KCNH5: variants seen among roughly 807,000 people sequenced by gnomAD.
The protein encoded by KCNH5 is potassium voltage-gated channel subfamily H member 5, also known as voltage-gated delayed rectifier potassium channel KCNH5.
KCNH5 carries 46 observed loss-of-function variants against 96.1 expected under a neutral mutation model. The ratio of observed to expected loss-of-function variants is 0.48; its 90% CI spans 0.38 to 0.61. The LOEUF (loss-of-function observed/expected upper bound fraction) is 0.61, where lower values mean the gene tolerates loss of function less well. Ranked by LOEUF, KCNH5 falls within the 20% of genes least tolerant of loss-of-function variation. The pLI is 0.00. For missense variants in KCNH5, 907 were observed against 1,225.8 expected, an observed-to-expected ratio of 0.74 and a Z score of 3.88; for synonymous variants, 439 against 449.8, an observed-to-expected ratio of 0.98 and a Z score of 0.30.
intron 10 of KCNH5, among the ~76,000 whole-genome samples, chr14:62,761,554 G>T (rs1885751347): frequency 6.6e-6 from 1 of 152,110 alleles, no homozygotes; most frequent in Non-Finnish European, 1.5e-5. Context: ...CAAACTGTAT[G>T]ATCAAATTTA....
At chr14:62,963,526 C>T (rs1015851143) in intron 6 of KCNH5, among the ~76,000 whole-genome samples, 6 of 149,698 alleles carry the variant, frequency 4.0e-5, no homozygotes, top group African/African-American at 1.5e-4. Flanking sequence ...AGAACCAGGC[C>T]AATGGTGTAA....
intron 7 of KCNH5, among the ~76,000 whole-genome samples, chr14:62,900,491 G>C (rs1040504361): frequency 2.6e-5 from 4 of 152,158 alleles, no homozygotes; most frequent in Non-Finnish European, 4.4e-5. Flanking sequence ...ATTATGGGAA[G>C]TGATTATAAT....
intron 9 of KCNH5, 27 bp from the exon 10 acceptor site, chr14:62,779,951 C>A: frequency 6.4e-7 from 1 of 1,552,572 alleles, no homozygotes; most frequent in South Asian, 1.1e-5. Context: ...GATACATATT[C>A]AAGTATCTAA....
chr14:62,837,993 C>A (rs1214815883), intron 8 of KCNH5, among the ~76,000 whole-genome samples: 1 of 152,098 alleles, frequency 6.6e-6, no homozygotes, highest in African/African-American at 2.4e-5. Context: ...CAGGCTGCTT[C>A]CCATTAACTT....
At chr14:62,808,364 T>C (rs1387952349) in intron 8 of KCNH5, among the ~76,000 whole-genome samples, 1 of 152,142 alleles carries the variant, frequency 6.6e-6, no homozygotes, top group African/African-American at 2.4e-5. Flanking sequence ...GAGGTATTAT[T>C]CAGTTTTTCT....
At chr14:62,825,175 A>T (rs1346770917) in intron 8 of KCNH5, among the ~76,000 whole-genome samples, 2 of 152,106 alleles carry the variant, frequency 1.3e-5, no homozygotes, top group African/African-American at 4.8e-5. Flanking sequence ...TCCTTTGAGA[A>T]ATCTCCAAAC....
intron 1 of KCNH5, among the ~76,000 whole-genome samples, chr14:63,037,306 C>T (rs1359486120): frequency 6.6e-6 from 1 of 152,134 alleles, no homozygotes; most frequent in Non-Finnish European, 1.5e-5. Flanking sequence ...TAAATATGCA[C>T]ATGCCCTCCA....
At chr14:63,022,329 C>T (rs529734530) in intron 1 of KCNH5, among the ~76,000 whole-genome samples, 2 of 152,296 alleles carry the variant, frequency 1.3e-5, no homozygotes, top group African/African-American at 4.8e-5. Context: ...ATGATCATCA[C>T]CCAACTCCAG....
At chr14:62,805,412 A>C (rs1351931815) in intron 8 of KCNH5, among the ~76,000 whole-genome samples, 1 of 152,218 alleles carries the variant, frequency 6.6e-6, no homozygotes, top group East Asian at 1.9e-4. Flanking sequence ...AGATATCAAA[A>C]AGTGACAAGG....
chr14:62,814,782 C>CAAAAAAAAAA (rs71120235), intron 8 of KCNH5, among the ~76,000 whole-genome samples: 530 of 33,744 alleles, frequency 0.016, 106 homozygotes, highest in East Asian at 0.019. Flanking sequence ...GACTCCATCT[C>CAAAAAAAAAA]AAAAAAAAAA....
At chr14:63,024,423 A>T (rs1891488877) in intron 1 of KCNH5, among the ~76,000 whole-genome samples, 1 of 152,032 alleles carries the variant, frequency 6.6e-6, no homozygotes. Flanking sequence ...AAGGAAAGAA[A>T]TAATAAAGAT....
chr14:62,958,492 T>A (rs1375231644), intron 6 of KCNH5, among the ~76,000 whole-genome samples: 1 of 152,198 alleles, frequency 6.6e-6, no homozygotes, highest in South Asian at 2.1e-4. Context: ...AAATTTTGAA[T>A]TGAATCATCC....
chr14:62,986,093 C>T (rs1023707016), intron 5 of KCNH5, among the ~76,000 whole-genome samples: 4 of 152,114 alleles, frequency 2.6e-5, no homozygotes, highest in Non-Finnish European at 5.9e-5. Flanking sequence ...TGCTGACAAC[C>T]GTGGTCATGC....
At chr14:62,945,395 G>A (rs1278139207) in intron 7 of KCNH5, among the ~76,000 whole-genome samples, 1 of 152,150 alleles carries the variant, frequency 6.6e-6, no homozygotes, top group African/African-American at 2.4e-5. Context: ...GCACGTACTT[G>A]ATCGTAGATC....
intron 6 of KCNH5, among the ~76,000 whole-genome samples, chr14:62,965,977 A>G (rs1056778361): frequency 6.6e-6 from 1 of 152,144 alleles, no homozygotes; most frequent in Admixed American, 6.6e-5. Context: ...TGGTAAAATA[A>G]TTTTTGCACT....
intron 7 of KCNH5, among the ~76,000 whole-genome samples, chr14:62,869,284 C>A (rs1393770011): frequency 6.6e-6 from 1 of 152,104 alleles, no homozygotes; most frequent in South Asian, 2.1e-4. Context: ...TCTCTAATGA[C>A]CAGTGATGAC....
chr14:62,876,029 T>C (rs528068183), intron 7 of KCNH5, among the ~76,000 whole-genome samples: 1 of 152,084 alleles, frequency 6.6e-6, no homozygotes, highest in Non-Finnish European at 1.5e-5. Flanking sequence ...TAGCCAGGCA[T>C]GGTGGCATGT....
chr14:62,739,422 G>A (rs1885225341), intron 10 of KCNH5, among the ~76,000 whole-genome samples: 3 of 152,012 alleles, frequency 2.0e-5, no homozygotes, highest in African/African-American at 4.8e-5. Context: ...CAGTCAAAAT[G>A]ACTACGCTAT....
intron 8 of KCNH5, among the ~76,000 whole-genome samples, chr14:62,847,455 G>T (rs1360359191): frequency 1.3e-5 from 2 of 151,938 alleles, no homozygotes; most frequent in East Asian, 1.9e-4. Flanking sequence ...ATGCATCTGG[G>T]TAGGGATTTT....
Sources: allele counts gnomAD v4.1 joint callset (sites outside exome capture counted in the v4.1 genomes callset), GRCh38; gene constraint gnomAD v4.1.1; transcripts MANE v1.5; gene names NCBI Gene and HGNC (gene_info 2026-07-23, HGNC 2026-07-21).